The following FSIP2 variants were observed in gnomAD, a reference collection of about 807,000 sequenced individuals.
FSIP2 encodes fibrous sheath interacting protein 2, also known as fibrous sheath-interacting protein 2.
A neutral mutation model predicts 510.5 loss-of-function variants in FSIP2; 367 were observed. The observed-to-expected ratio is 0.72, with a 90% CI of 0.66 to 0.78. The LOEUF (loss-of-function observed/expected upper bound fraction) is 0.78. Among genes scored for constraint, FSIP2 ranks in the 30% least tolerant of loss-of-function variants. FSIP2 has a pLI of 0.00. For missense variants in FSIP2, 7,594 were observed against 7,901.7 expected, an observed-to-expected ratio of 0.96 and a Z score of 1.48; for synonymous variants, 2,601 against 2,732.2, an observed-to-expected ratio of 0.95 and a Z score of 1.50.
intron 8 of FSIP2, among the ~76,000 whole-genome samples, chr2:185,754,180 A>C (rs2105545658): frequency 6.6e-6 from 1 of 151,454 alleles, no homozygotes; most frequent in Non-Finnish European, 1.5e-5. Context: ...TATGTTGACA[A>C]CCAGTAAGAA....
At position 185,796,634 on chromosome 2, in the gene FSIP2, G is replaced by T; in HGVS notation, c.9498G>T (p.Met3166Ile). Residue 3166 changes from methionine (M) to isoleucine (I), a missense_variant, in exon 16 of 23, where the codon ATG becomes ATT. Transcript: ENST00000424728. ...NQVELATNMK[M>I]FTSKLKEGSL... ...TTGAATTAGCAACTAATATGAAAATGTTCACATCAAAGTTAAAGGAAGGTA... is the reference window on the plus strand; with the variant it reads ...TTGAATTAGCAACTAATATGAAAATTTTCACATCAAAGTTAAAGGAAGGTA... The T allele has an allele frequency of 6.5e-7, 1 of 1,535,022 alleles. No individual in the cohort carries two copies. Among genetic ancestry groups the T allele is most frequent in the East Asian group, 2.4e-5 (1 of 40,844 alleles).
chr2:185,800,032 G>C lies in FSIP2; in HGVS notation c.10726G>C (p.Ala3576Pro), dbSNP rs1428010892. 5 of 1,525,460 alleles carry C rather than the reference G, an allele frequency of 3.3e-6. No individual in the cohort carries two copies. In the East Asian group the frequency reaches 1.2e-4, roughly 37 times the overall value. The allele number at this position is 1,525,460 out of a possible 1,614,324, so 94.5% of individuals were successfully genotyped here. Residue 3576 changes from alanine to proline, a missense_variant, in exon 17 of 23, where the codon GCT (alanine) becomes CCT (proline). Ala to Pro is a conservative substitution (Grantham distance 27, BLOSUM62 -1). Coordinates refer to ENST00000424728, the MANE Select transcript of FSIP2 (RefSeq NM_173651.4). The part of the protein sequence containing the change: ...KILFNNKIIQ[A>P]DIAQKMVAIP... Reference sequence around the variant, plus strand: ...TCTTTTTAATAATAAAATTATACAGGCTGACATTGCACAGAAAATGGTTGC... The same window carrying C: ...TCTTTTTAATAATAAAATTATACAGCCTGACATTGCACAGAAAATGGTTGC...
rs1453159115 is a variant in FSIP2 at position 185,799,853 on chromosome 2, A to C, written c.10547A>C (p.Asp3516Ala). ...VLYHLTSSIS[D>A]GTKKGREKEK... Reference sequence around the variant, plus strand: ...TACCATTTAACTTCGAGCATTTCTGATGGCACCAAAAAGGGTAGAGAAAAA... The same window carrying C: ...TACCATTTAACTTCGAGCATTTCTGCTGGCACCAAAAAGGGTAGAGAAAAA... The change falls in exon 17 of 23, where the codon GAT (aspartate) becomes GCT (alanine). Residue 3516 changes from aspartate to alanine, a missense_variant. Coordinates refer to ENST00000424728, the MANE Select transcript of FSIP2 (RefSeq NM_173651.4). 9 of 1,532,910 alleles carry C rather than the reference A, an allele frequency of 5.9e-6. No homozygotes were observed. The highest frequency in any genetic ancestry group is 7.9e-6 in the Non-Finnish European group (9 of 1,144,882). 95.0% of individuals were successfully genotyped at this position (1,532,910 alleles called of 1,614,324 possible).
chr2:185,750,948 G>T lies in FSIP2; in HGVS notation c.871-2774G>T, dbSNP rs1458770470. Among the ~76,000 whole-genome samples the T allele has an allele frequency of 4.0e-5, 6 of 151,330 alleles. No individual in the cohort carries two copies. In the Admixed American group the frequency reaches 4.0e-4, roughly 10 times the overall value. On this transcript the variant is annotated intron_variant, in intron 7 of 22. Transcript: ENST00000424728. The stretch of plus-strand genomic sequence containing the variant: ...TTGCTTTTATTGTAGTCAGAGAAAA[G>T]ACTTTTATTTCCCAAATCTTTTTAA...
chr2:185,747,507 G>C, intron 7 of FSIP2, 84 bp downstream of exon 7: 1 of 685,808 alleles, frequency 1.5e-6, no homozygotes. Flanking sequence ...CACTTTGTGA[G>C]ATGACTGTTG....
chr2:185,790,211 A>G lies in FSIP2; in HGVS notation c.3075A>G (p.Val1025=). The part of the protein sequence containing the change: ...VLDSTFKDEK[V]KSQEQIPNHW... ...ATTCAACTTTCAAAGATGAAAAAGT[A>G]AAATCACAAGAACAGATTCCTAATC... The change falls in exon 16 of 23, where the codon GTA becomes GTG. Residue 1025 remains valine (V), a synonymous_variant. Coordinates refer to ENST00000424728, the MANE Select transcript of FSIP2 (RefSeq NM_173651.4). 1.3e-6 allele frequency: 2 copies of G among 1,531,224 alleles called. No homozygotes were observed. Among genetic ancestry groups the G allele is most frequent in the East Asian group, 2.4e-5 (1 of 40,828 alleles). The allele number at this position is 1,531,224 out of a possible 1,614,324, so 94.9% of individuals were successfully genotyped here. A position where few individuals can be genotyped will look rare whatever the true frequency, so the allele number is the denominator to read the frequency against.
intron 21 of FSIP2, 136 bp from the exon 22 acceptor site, chr2:185,831,677 C>T (rs1553503696): frequency 6.3e-6 from 4 of 633,966 alleles, no homozygotes; most frequent in Non-Finnish European, 1.1e-5. Flanking sequence ...TTTGAGACTG[C>T]AGAGCACAGA....
At chr2:185,750,784 T>A (rs1692131772) in intron 7 of FSIP2, among the ~76,000 whole-genome samples, 1 of 151,378 alleles carries the variant, frequency 6.6e-6, no homozygotes, top group Non-Finnish European at 1.5e-5. Context: ...TGATATACGA[T>A]GTTTTATATT....
chr2:185,752,740 G>T (rs1692173285), intron 7 of FSIP2, among the ~76,000 whole-genome samples: 1 of 150,958 alleles, frequency 6.6e-6, no homozygotes. Flanking sequence ...TTGCTGTATT[G>T]TTTCTTGTCT....
chr2:185,804,301 T>G lies in FSIP2; in HGVS notation c.14995T>G (p.Ser4999Ala), dbSNP rs1383033045. 17 of 1,518,002 alleles carry G rather than the reference T, an allele frequency of 1.1e-5. No homozygotes were observed. Among genetic ancestry groups the G allele is most frequent in the Middle Eastern group, 1.7e-4 (1 of 5,916 alleles). The allele number at this position is 1,518,002 out of a possible 1,614,324, so 94.0% of individuals were successfully genotyped here. Residue 4999 changes from serine (S) to alanine (A), a missense_variant, in exon 17 of 23, where the codon TCA (serine) becomes GCA (alanine). Coordinates refer to ENST00000424728, the MANE Select transcript of FSIP2 (RefSeq NM_173651.4). ...VNSIVLEFTT[S>A]EILVADNFDK... The stretch of plus-strand genomic sequence containing the variant: ...TTCAATTGTTCTGGAGTTCACCACA[T>G]CAGAGATTTTAGTTGCAGATAACTT...
In FSIP2 at chr2:185,815,414, T is replaced by C. The variant is rs755377307; in HGVS notation, c.20369T>C (p.Ile6790Thr). The change falls in exon 19 of 23, where the codon ATA becomes ACA. Residue 6790 changes from isoleucine (I) to threonine (T), a missense_variant. Physicochemically the swap from Ile to Thr is moderately conservative, Grantham distance 89. Coordinates refer to ENST00000424728, the MANE Select transcript of FSIP2 (RefSeq NM_173651.4). Reference protein sequence around the residue: ...NLVTEPTHYFIHRIMSSSSYN... With the variant: ...NLVTEPTHYFTHRIMSSSSYN... ...GTTACTGAACCAACACATTACTTCA[T>C]ACACAGAATTATGAGTTCATCTTCA... is the stretch of plus-strand genomic sequence containing the variant. The C allele has an allele frequency of 3.9e-6, 6 of 1,543,454 alleles. No individual in the cohort carries two copies. The highest frequency in any genetic ancestry group is 5.3e-6 in the Non-Finnish European group (6 of 1,128,324).
upstream of FSIP2, chr2:185,738,649 T>G (rs867925531): frequency 3.3e-5 from 51 of 1,536,028 alleles, no homozygotes; most frequent in African/African-American, 4.6e-4. Context: ...ACTGTGGTCC[T>G]CTCAGATCAG....
In FSIP2 at chr2:185,808,759, G is replaced by T. The variant is rs200703801; in HGVS notation, c.19453G>T (p.Val6485Phe). The T allele has an allele frequency of 3.0e-5, 48 of 1,612,504 alleles. No homozygotes were observed. The highest frequency in any genetic ancestry group is 3.7e-5 in the Non-Finnish European group (44 of 1,179,398). The change falls in exon 17 of 23, where the codon GTT (valine) becomes TTT (phenylalanine). Residue 6485 changes from valine to phenylalanine, a missense_variant. Physicochemically the swap from Val to Phe is conservative, Grantham distance 50 (BLOSUM62 -1). Transcript: ENST00000424728. ...TGCTGATCTCTCTGGAGAGCTAGAC[G>T]TTAATAGAATTGTTCAAAAGGCCCA... ...SNADLSGELD[V>F]NRIVQKAQEH... is the part of the protein sequence containing the mutation.
In FSIP2 at chr2:185,801,378, T is replaced by C. The variant is rs1274882988; in HGVS notation, c.12072T>C (p.Thr4024=). 3.3e-6 allele frequency: 5 copies of C among 1,534,096 alleles called. No homozygotes were observed. The highest frequency in any genetic ancestry group is 3.9e-5 in the Admixed American group (2 of 50,838). The change falls in exon 17 of 23, where the codon ACT becomes ACC. Residue 4024 remains threonine (T), a synonymous_variant. Coordinates refer to ENST00000424728, the MANE Select transcript of FSIP2 (RefSeq NM_173651.4). ...ATGAATTTAATAATGCTCAAGTCAC[T>C]GTTCTACGGAATGCTGAAGAAAGGC... ...VVNEFNNAQV[T]VLRNAEERLC... is the part of the protein sequence containing the mutation.
intron 11 of FSIP2, among the ~76,000 whole-genome samples, chr2:185,762,929 A>G (rs566972108): frequency 6.6e-6 from 1 of 151,610 alleles, no homozygotes; most frequent in Admixed American, 6.6e-5. Context: ...GCTGGCATAA[A>G]ACATTAAATA....
At position 185,812,407 on chromosome 2, in the gene FSIP2, G is replaced by T. The variant is rs557433145; in HGVS notation, c.19828-1138G>T. Among the ~76,000 whole-genome samples the T allele has an allele frequency of 2.6e-5, 4 of 152,132 alleles. No individual in the cohort carries two copies. In the South Asian group the frequency reaches 6.2e-4, roughly 24 times the overall value. ...TTTGCCCAATGCCTGTACCTCCATTGTATCCTAAAAATAAGCCATCCTAAA... is the reference window on the plus strand; with the variant it reads ...TTTGCCCAATGCCTGTACCTCCATTTTATCCTAAAAATAAGCCATCCTAAA... On this transcript the variant is annotated intron_variant, in intron 17 of 22. Transcript: ENST00000424728.
In FSIP2 at chr2:185,805,539, T is replaced by C. The variant is rs1693545529; in HGVS notation, c.16233T>C (p.Asn5411=). 4.3e-6 allele frequency: 7 copies of C among 1,611,544 alleles called. No homozygotes were observed. Among genetic ancestry groups the C allele is most frequent in the Non-Finnish European group, 5.9e-6 (7 of 1,178,458 alleles). Residue 5411 remains asparagine, a synonymous_variant, in exon 17 of 23, where the codon AAT becomes AAC. Coordinates refer to ENST00000424728, the MANE Select transcript of FSIP2 (RefSeq NM_173651.4). The part of the protein sequence containing the change: ...DWSSTFFSFL[N]PDNITQRVQH... Reference sequence around the variant, plus strand: ...CTTCCACCTTCTTTTCATTTCTAAATCCAGATAATATCACCCAAAGGGTTC... The same window carrying C: ...CTTCCACCTTCTTTTCATTTCTAAACCCAGATAATATCACCCAAAGGGTTC...
Position 185,803,022 on chromosome 2 carries a change from T to G in FSIP2, c.13716T>G (p.Leu4572=). Residue 4572 remains leucine, a synonymous_variant, in exon 17 of 23, where the codon CTT becomes CTG. Transcript: ENST00000424728. ...VQNITSSNDI[L]IDRIAGFIIK... ...ATATCACAAGCAGTAATGACATTCT[T>G]ATAGATAGAATAGCAGGTTTCATCA... 6.5e-7 allele frequency: 1 copy of G among 1,528,206 alleles called. No individual in the cohort carries two copies. The highest frequency in any genetic ancestry group is 8.7e-7 in the Non-Finnish European group (1 of 1,143,086). The allele number at this position is 1,528,206 out of a possible 1,614,324, so 94.7% of individuals were successfully genotyped here. A position where few individuals can be genotyped will look rare whatever the true frequency, so the allele number is the denominator to read the frequency against.
rs1490278833 is a variant in FSIP2 at position 185,803,707 on chromosome 2, C to G, written c.14401C>G (p.Leu4801Val). Reference sequence around the variant, plus strand: ...TCATTTGGAAAAAATAGTTACTCAGCTTACATCTCAGATAAGTCCATTGAA... The same window carrying G: ...TCATTTGGAAAAAATAGTTACTCAGGTTACATCTCAGATAAGTCCATTGAA... Reference protein sequence around the residue: ...HSHLEKIVTQLTSQISPLNTS... With the variant: ...HSHLEKIVTQVTSQISPLNTS... Residue 4801 changes from leucine (L) to valine (V), a missense_variant, in exon 17 of 23, where the codon CTT becomes GTT. Coordinates refer to ENST00000424728, the MANE Select transcript of FSIP2 (RefSeq NM_173651.4). 12 of 1,532,626 alleles carry G rather than the reference C, an allele frequency of 7.8e-6. No homozygotes were observed. Among genetic ancestry groups the G allele is most frequent in the Non-Finnish European group, 1.0e-5 (12 of 1,144,662 alleles). 94.9% of individuals were successfully genotyped at this position (1,532,626 alleles called of 1,614,324 possible).
Sources: gnomAD v4.1 joint callset for allele counts (sites outside exome capture counted in the v4.1 genomes callset) on GRCh38, gnomAD v4.1.1 for gene constraint, MANE v1.5 for transcripts, NCBI Gene and HGNC (gene_info 2026-07-23, HGNC 2026-07-21) for gene names.